EXD3: variants seen among roughly 807,000 people sequenced by gnomAD.
EXD3 encodes the protein exonuclease 3'-5' domain containing 3.
EXD3 carries 92 observed loss-of-function variants against 98.0 expected under a neutral mutation model. The observed-to-expected ratio is 0.94, with a 90% CI of 0.79 to 1.12. The LOEUF is 1.12. Ranked by LOEUF, EXD3 falls within the 50% of genes most tolerant of loss-of-function variation. The pLI is 0.00. For synonymous variants in EXD3, 569 were observed against 526.0 expected (o/e 1.08, Z -1.12); for missense variants, 1,222 against 1,191.6 (o/e 1.03, Z -0.38).
In EXD3 at chr9:137,323,763, C is replaced by G. The variant is rs757839885; in HGVS notation, c.2146G>C (p.Val716Leu). ...AAGATGTCTGCGTGGGTGACACGCA[C>G]GTTGAAATGCTTGAGCACAGCCTTG... ...QAKAVLKHFNVRVTHADIFSR... is the reference protein window; with the variant it reads ...QAKAVLKHFNLRVTHADIFSR... The change falls in exon 19 of 22, where the codon GTG (valine) becomes CTG (leucine). Residue 716 changes from valine (V) to leucine (L), a missense_variant. Physicochemically the swap from Val to Leu is conservative, Grantham distance 32. Transcript: ENST00000340951. 6.2e-7 allele frequency: 1 copy of G among 1,612,374 alleles called. No homozygotes were observed. The highest frequency in any genetic ancestry group is 2.2e-5 in the East Asian group (1 of 44,872).
intron 19 of EXD3, among the ~76,000 whole-genome samples, chr9:137,318,000 G>C (rs1284369914): frequency 6.6e-6 from 1 of 152,126 alleles, no homozygotes; most frequent in Non-Finnish European, 1.5e-5. Flanking sequence ...GTCTGTGGCC[G>C]CTGCACCTCT....
Position 137,349,782 on chromosome 9 carries a change from G to A in EXD3, c.1495-251C>T, listed in dbSNP as rs555144250. Among the ~76,000 whole-genome samples, 4 of 152,186 alleles carry A rather than the reference G, an allele frequency of 2.6e-5. No homozygotes were observed. Among genetic ancestry groups the A allele is most frequent in the South Asian group, 2.1e-4 (1 of 4,822 alleles). On this transcript the variant is annotated intron_variant, in intron 14 of 21. Coordinates refer to ENST00000340951, the MANE Select transcript of EXD3 (RefSeq NM_017820.5). This position sits in a 1 kb window ranked among gnomAD's most constrained non-coding sequence, Gnocchi z 7.4. ...TGGTCAGCAGTCCCACGGTAACCCCGCCCAGCCCCTCACAGCCTCAGAGAG... is the reference window on the plus strand; with the variant it reads ...TGGTCAGCAGTCCCACGGTAACCCCACCCAGCCCCTCACAGCCTCAGAGAG...
At chr9:137,330,106 AGC>A (rs1832934064) in intron 17 of EXD3, among the ~76,000 whole-genome samples, 3 of 52,610 alleles carry the variant, frequency 5.7e-5, no homozygotes, top group Admixed American at 5.2e-4. Flanking sequence ...GCTCCACAGG[AGC>A]TACACAGGAG....
chr9:137,417,237 C>T (rs1392671132), intron 1 of EXD3, among the ~76,000 whole-genome samples: 2 of 152,216 alleles, frequency 1.3e-5, no homozygotes, highest in African/African-American at 4.8e-5. Context: ...CACGGACTCA[C>T]GCGGGCGCCG....
chr9:137,378,594 T>C (rs775642253), intron 3 of EXD3, among the ~76,000 whole-genome samples: 1 of 151,968 alleles, frequency 6.6e-6, no homozygotes, highest in Non-Finnish European at 1.5e-5. Context: ...CGGCCAGAGG[T>C]GGAGATGGCG....
chr9:137,414,801 G>T (rs373753713), intron 1 of EXD3, among the ~76,000 whole-genome samples: 1 of 152,184 alleles, frequency 6.6e-6, no homozygotes, highest in Non-Finnish European at 1.5e-5. Context: ...ACTCCAGGGG[G>T]GTGCTGGCAT....
chr9:137,373,725 G>T, intron 3 of EXD3, 126 bp from the exon 4 acceptor site: 3 of 1,095,446 alleles, frequency 2.7e-6, no homozygotes, highest in East Asian at 2.6e-5. Context: ...CCATTCAGCC[G>T]CCATCTGCGC....
chr9:137,369,856 G>A (rs1474431974), intron 5 of EXD3, among the ~76,000 whole-genome samples: 3 of 152,234 alleles, frequency 2.0e-5, no homozygotes, highest in Non-Finnish European at 4.4e-5. Context: ...TCAGAGCCCA[G>A]GGCTAACAGG....
chr9:137,332,802 G>A (rs142991386), intron 17 of EXD3, among the ~76,000 whole-genome samples: 3,119 of 152,234 alleles, frequency 0.02, 47 homozygotes, highest in Middle Eastern at 0.078. Context: ...CCAAGGTTGC[G>A]CCACTGCACT....
chr9:137,316,403 G>A (rs565916335), intron 19 of EXD3, among the ~76,000 whole-genome samples: 2 of 152,178 alleles, frequency 1.3e-5, no homozygotes, highest in Admixed American at 6.5e-5. Context: ...CAGGGGCCGC[G>A]GGGTCGCTGG....
intron 6 of EXD3, 92 bp downstream of exon 6, chr9:137,367,844 G>A (rs1334041615): frequency 1.5e-6 from 2 of 1,293,860 alleles, no homozygotes; most frequent in South Asian, 1.3e-5. Context: ...CTGTGGCTTG[G>A]TGGACTCCCG....
At chr9:137,311,534 G>A (rs1269516834) in intron 19 of EXD3, among the ~76,000 whole-genome samples, 1 of 152,234 alleles carries the variant, frequency 6.6e-6, no homozygotes, top group Non-Finnish European at 1.5e-5. Flanking sequence ...GGCCAGGTGC[G>A]CACGCCTGGG....
chr9:137,385,147 G>T lies in EXD3; in HGVS notation c.56-1770C>A, dbSNP rs915359403. Among the ~76,000 whole-genome samples, 1 of 152,210 alleles carries T rather than the reference G, an allele frequency of 6.6e-6. No individual in the cohort carries two copies. Among genetic ancestry groups the T allele is most frequent in the Non-Finnish European group, 1.5e-5 (1 of 68,038 alleles). The stretch of plus-strand genomic sequence containing the variant: ...TGGGGCGCCCAGGCTCCACCATGGC[G>T]TCTCTGCAGCCACCTGGGCCTGGGT... On this transcript the variant is annotated intron_variant, in intron 2 of 21. Coordinates refer to ENST00000340951, the MANE Select transcript of EXD3 (RefSeq NM_017820.5). The surrounding 1 kb of genome is among the most constrained non-coding windows in gnomAD (Gnocchi z 4.4).
In EXD3 at chr9:137,405,981, A is replaced by G. The variant is rs1045213771; in HGVS notation, c.-47-10577T>C. ...ACGCCTGTAATCCCAGCCTTGTGGG[A>G]GGCCGAGGCGGGAGGATCACTTGAG... On this transcript the variant is annotated intron_variant, in intron 1 of 21. Coordinates refer to ENST00000340951, the MANE Select transcript of EXD3 (RefSeq NM_017820.5). The surrounding 1 kb of genome is among the most constrained non-coding windows in gnomAD (Gnocchi z 4.1). Among the ~76,000 whole-genome samples the G allele has an allele frequency of 1.3e-5, 2 of 152,200 alleles. No individual in the cohort carries two copies. Among genetic ancestry groups the G allele is most frequent in the Non-Finnish European group, 1.5e-5 (1 of 68,034 alleles).
At chr9:137,391,283 T>C (rs1258410367) in intron 2 of EXD3, among the ~76,000 whole-genome samples, 1 of 152,220 alleles carries the variant, frequency 6.6e-6, no homozygotes, top group Non-Finnish European at 1.5e-5. Flanking sequence ...CTGCGGGCCC[T>C]GCCCTGTTCA....
At chr9:137,368,375 C>G (rs143350940) in intron 5 of EXD3, among the ~76,000 whole-genome samples, 2 of 152,182 alleles carry the variant, frequency 1.3e-5, no homozygotes, top group African/African-American at 2.4e-5. Flanking sequence ...GACCCATCTG[C>G]GGGCCCCAGA....
At chr9:137,310,272 G>A (rs1831291505) in intron 19 of EXD3, among the ~76,000 whole-genome samples, 1 of 152,194 alleles carries the variant, frequency 6.6e-6, no homozygotes, top group Admixed American at 6.5e-5. Flanking sequence ...TTGAGATGCG[G>A]TCTCATTGTC....
At chr9:137,379,523 G>C (rs886384082) in intron 3 of EXD3, among the ~76,000 whole-genome samples, 2 of 144,506 alleles carry the variant, frequency 1.4e-5, no homozygotes, top group African/African-American at 5.1e-5. Flanking sequence ...CGAGGGGAAT[G>C]GGGCGTCTGT....
chr9:137,370,133 G>A (rs1473927792), intron 5 of EXD3, among the ~76,000 whole-genome samples: 1 of 152,152 alleles, frequency 6.6e-6, no homozygotes, highest in East Asian at 1.9e-4. Context: ...GCTGGGGGGT[G>A]GCTAGTAGCA....
Sources: allele counts gnomAD v4.1 joint callset (sites outside exome capture counted in the v4.1 genomes callset), GRCh38; gene constraint gnomAD v4.1.1; non-coding constraint Gnocchi (gnomAD v3.1); transcripts MANE v1.5; gene names NCBI Gene and HGNC (gene_info 2026-07-23, HGNC 2026-07-21).